GLRA2: variants seen among roughly 807,000 people sequenced by gnomAD.
GLRA2 encodes glycine receptor subunit alpha-2.
GLRA2 carries 11 observed loss-of-function variants against 31.6 expected under a neutral mutation model. The observed-to-expected ratio is 0.35, with a 90% CI of 0.22 to 0.58. The LOEUF is 0.58. GLRA2 is among the 20% of genes least tolerant of loss of function. The probability of loss-of-function intolerance (pLI) is 0.84; values close to 1 mark genes in which losing one functional copy is unlikely to be tolerated. For synonymous variants in GLRA2, 132 were observed against 134.0 expected (o/e 0.99, Z 0.10); for missense variants, 212 against 351.8 (o/e 0.60, Z 3.18).
intron 4 of GLRA2, among the ~76,000 whole-genome samples, chrX:14,588,440 G>C (rs1168467747): frequency 9.0e-6 from 1 of 111,343 alleles, no homozygotes; most frequent in Non-Finnish European, 1.9e-5. Flanking sequence ...ATTGGTCTAT[G>C]TGTCTGTTTT....
At chrX:14,588,043 A>C (rs1180116690) in intron 4 of GLRA2, among the ~76,000 whole-genome samples, 2 of 109,619 alleles carry the variant, frequency 1.8e-5, no homozygotes, top group African/African-American at 3.3e-5. Flanking sequence ...AGTAGCTTGG[A>C]TTATATGTGC....
chrX:14,713,731 A>G (rs891069117), intron 8 of GLRA2, among the ~76,000 whole-genome samples: 2 of 111,303 alleles, frequency 1.8e-5, no homozygotes, highest in Non-Finnish European at 3.8e-5. Flanking sequence ...AATGTTGACT[A>G]TCTAGCCCTT....
At chrX:14,542,312 T>G (rs1437491290) in intron 2 of GLRA2, among the ~76,000 whole-genome samples, 1 of 112,221 alleles carries the variant, frequency 8.9e-6, no homozygotes, top group Non-Finnish European at 1.9e-5. Context: ...CAAACATGCA[T>G]GTAACATACA....
chrX:14,635,540 G>C (rs2090701407), intron 7 of GLRA2, among the ~76,000 whole-genome samples: 1 of 111,687 alleles, frequency 9.0e-6, no homozygotes, highest in Admixed American at 9.6e-5. Context: ...CTACGTAGGT[G>C]GTAGCTTATG....
chrX:14,662,990 A>G (rs2091006437), intron 7 of GLRA2, among the ~76,000 whole-genome samples: 1 of 111,722 alleles, frequency 9.0e-6, no homozygotes, highest in African/African-American at 3.2e-5. Context: ...AACTCTCTAA[A>G]TATTTATACT....
chrX:14,541,935 T>C (rs1393996391), intron 2 of GLRA2, among the ~76,000 whole-genome samples: 1 of 111,284 alleles, frequency 9.0e-6, no homozygotes, highest in Non-Finnish European at 1.9e-5. Context: ...TCAAGCCATG[T>C]TTTTCAGAAG....
In GLRA2 at chrX:14,578,847, C is replaced by T. The variant is rs181517010; in HGVS notation, c.271-2336C>T. On this transcript the variant is annotated intron_variant, in intron 3 of 8. Coordinates refer to ENST00000218075, the MANE Select transcript of GLRA2 (RefSeq NM_002063.4). The stretch of plus-strand genomic sequence containing the variant: ...TAGAGAAAAGATGCTCTCTTCCCAG[C>T]TTCCAAATGACTGCCTGGAAGGATG... Among the ~76,000 whole-genome samples the T allele has an allele frequency of 1.3e-4, 15 of 111,709 alleles. No homozygotes were observed. In the East Asian group the frequency reaches 2.0e-3, roughly 15 times the overall value.
At chrX:14,632,825 A>G (rs918418598) in intron 7 of GLRA2, among the ~76,000 whole-genome samples, 6 of 111,687 alleles carry the variant, frequency 5.4e-5, no homozygotes, top group African/African-American at 2.0e-4. Flanking sequence ...AATTTAATAA[A>G]TATTCAAGGT....
intron 2 of GLRA2, among the ~76,000 whole-genome samples, chrX:14,535,751 T>C (rs2089315034): frequency 1.8e-5 from 2 of 112,551 alleles, no homozygotes; most frequent in Non-Finnish European, 3.8e-5. Context: ...TTTGTCTCAT[T>C]TTCAGTTGAT....
At chrX:14,591,778 T>C (rs1288848067) in intron 4 of GLRA2, among the ~76,000 whole-genome samples, 1 of 112,145 alleles carries the variant, frequency 8.9e-6, no homozygotes, top group Non-Finnish European at 1.9e-5. Flanking sequence ...ATCAATGAAA[T>C]ACATGGCAGC....
intron 2 of GLRA2, among the ~76,000 whole-genome samples, chrX:14,571,762 C>T (rs762108406): frequency 1.5e-5 from 1 of 65,745 alleles, no homozygotes; most frequent in Non-Finnish European, 3.1e-5. Context: ...TGCAAATGAA[C>T]CTTGAACCAA....
At chrX:14,486,714 C>A in the GLRA2 span, among the ~76,000 whole-genome samples, 1 of 111,657 alleles carries the variant, frequency 9.0e-6, no homozygotes, top group African/African-American at 3.2e-5. Context: ...TATGGAGAAT[C>A]AAAGAGTTCT....
At chrX:14,658,649 C>A (rs2090963179) in intron 7 of GLRA2, among the ~76,000 whole-genome samples, 1 of 111,274 alleles carries the variant, frequency 9.0e-6, no homozygotes, top group Non-Finnish European at 1.9e-5. Context: ...AGTTTTGTAT[C>A]CTTTCTAGTG....
chrX:14,492,931 C>T, the GLRA2 span, among the ~76,000 whole-genome samples: 1 of 111,211 alleles, frequency 9.0e-6, no homozygotes, highest in Non-Finnish European at 1.9e-5. Context: ...CTGTGTTCTC[C>T]CAAGGGGATG....
chrX:14,523,273 T>C, the GLRA2 span, among the ~76,000 whole-genome samples: 3 of 111,906 alleles, frequency 2.7e-5, no homozygotes, highest in African/African-American at 9.8e-5. Context: ...TCCTCACCTC[T>C]TTCAGCCTTA....
At chrX:14,551,855 A>G (rs2089570230) in intron 2 of GLRA2, among the ~76,000 whole-genome samples, 1 of 111,713 alleles carries the variant, frequency 9.0e-6, no homozygotes, top group South Asian at 3.7e-4. Context: ...ACACACATGA[A>G]GAGCCCAAGC....
chrX:14,684,292 G>A (rs1005415588), intron 7 of GLRA2, among the ~76,000 whole-genome samples: 55 of 111,336 alleles, frequency 4.9e-4, no homozygotes, highest in African/African-American at 1.5e-3. Flanking sequence ...TTGACTTGGC[G>A]ATGCAGGCTC....
At chrX:14,589,007 T>C (rs1191791691) in intron 4 of GLRA2, among the ~76,000 whole-genome samples, 2 of 111,988 alleles carry the variant, frequency 1.8e-5, no homozygotes, top group Non-Finnish European at 3.8e-5. Flanking sequence ...AGGTATAGAA[T>C]CATATCATTA....
intron 4 of GLRA2, among the ~76,000 whole-genome samples, chrX:14,595,457 ACTCT>A (rs1010071422): frequency 6.3e-5 from 7 of 111,541 alleles, no homozygotes; most frequent in Admixed American, 9.6e-5. Flanking sequence ...AGTAGGCAGG[ACTCT>A]CTCTATGCAT....
Sources: gnomAD v4.1 joint callset for allele counts (sites outside exome capture counted in the v4.1 genomes callset) on GRCh38, gnomAD v4.1.1 for gene constraint, MANE v1.5 for transcripts, NCBI Gene and HGNC (gene_info 2026-07-23, HGNC 2026-07-21) for gene names.